Variants in NARS2 observed in about 807,000 individuals in gnomAD.
NARS2 encodes the protein asparaginyl-tRNA synthetase.
A neutral mutation model predicts 62.9 loss-of-function variants in NARS2; 60 were observed. The ratio of observed to expected loss-of-function variants is 0.95; its 90% CI spans 0.77 to 1.18. The LOEUF (loss-of-function observed/expected upper bound fraction) is 1.18, where lower values mean the gene tolerates loss of function less well. Among genes scored for constraint, NARS2 ranks in the 50% most tolerant of loss-of-function variants. The pLI, the probability that NARS2 is intolerant of heterozygous loss-of-function variation, is 0.00. For missense variants in NARS2, 619 were observed against 576.4 expected, an observed-to-expected ratio of 1.07 and a Z score of -0.76; for synonymous variants, 196 against 200.0, an observed-to-expected ratio of 0.98 and a Z score of 0.17.
At chr11:78,502,099 T>C (rs768709201) in intron 6 of NARS2, among the ~76,000 whole-genome samples, 1 of 152,180 alleles carries the variant, frequency 6.6e-6, no homozygotes, top group Non-Finnish European at 1.5e-5. Flanking sequence ...ATTTCCTGTA[T>C]ATGAAATATC....
intron 11 of NARS2, among the ~76,000 whole-genome samples, chr11:78,453,938 T>G (rs4945276): frequency 0.24 from 36,539 of 152,142 alleles, 5,433 homozygotes; most frequent in Non-Finnish European, 0.33. Context: ...GCAAAGATAC[T>G]ACTAATGGCT....
chr11:78,457,396 T>A (rs1438147302), intron 11 of NARS2, among the ~76,000 whole-genome samples: 1 of 152,070 alleles, frequency 6.6e-6, no homozygotes, highest in Non-Finnish European at 1.5e-5. Flanking sequence ...TTACAGCCAG[T>A]TATTACAGCC....
Position 78,521,566 on chromosome 11 carries a change from G to T in NARS2, c.689+7276C>A, listed in dbSNP as rs1447932379. On this transcript the variant is annotated intron_variant, in intron 6 of 13. Transcript: ENST00000281038. ...AGCACTTTGGGAGGCCGAGGCGAGC[G>T]GATCACGAGGTCAGGAGATCGAGAC... is the stretch of plus-strand genomic sequence containing the variant. Among the ~76,000 whole-genome samples the T allele has an allele frequency of 2.0e-5, 3 of 152,094 alleles. No individual in the cohort carries two copies. In the East Asian group the frequency reaches 5.8e-4, roughly 30 times the overall value.
intron 12 of NARS2, among the ~76,000 whole-genome samples, chr11:78,443,225 C>A (rs979670589): frequency 6.6e-6 from 1 of 151,046 alleles, no homozygotes; most frequent in Admixed American, 6.6e-5. Context: ...ACTTGGGAGG[C>A]TGAGGCAGGA....
At chr11:78,574,052 T>A (rs1290251357) in intron 1 of NARS2, among the ~76,000 whole-genome samples, 1 of 152,104 alleles carries the variant, frequency 6.6e-6, no homozygotes. Context: ...GGATATTCAT[T>A]ATAAGGGATA....
chr11:78,533,481 G>A (rs1861554906), intron 5 of NARS2, among the ~76,000 whole-genome samples: 1 of 152,200 alleles, frequency 6.6e-6, no homozygotes, highest in Non-Finnish European at 1.5e-5. Context: ...GGAAGTGAAT[G>A]TCTACAGCTT....
At chr11:78,573,733 A>C (rs1857012388) in intron 1 of NARS2, among the ~76,000 whole-genome samples, 1 of 152,212 alleles carries the variant, frequency 6.6e-6, no homozygotes, top group Non-Finnish European at 1.5e-5. Context: ...AATTTTCAGG[A>C]CTCAGGGACA....
chr11:78,549,477 T>C (rs903761578), intron 5 of NARS2, among the ~76,000 whole-genome samples: 13 of 152,206 alleles, frequency 8.5e-5, no homozygotes, highest in East Asian at 5.8e-4. Context: ...AGAATAGTGG[T>C]GGTTGTGATG....
chr11:78,518,553 T>C (rs1216317208), intron 6 of NARS2, among the ~76,000 whole-genome samples: 2 of 151,978 alleles, frequency 1.3e-5, no homozygotes, highest in African/African-American at 2.4e-5. Flanking sequence ...AGTCTCGCAC[T>C]TTCACCCAGG....
chr11:78,448,161 G>A (rs1016259889), intron 11 of NARS2, among the ~76,000 whole-genome samples: 7 of 151,942 alleles, frequency 4.6e-5, no homozygotes, highest in African/African-American at 1.5e-4. Context: ...ACCCCATAAC[G>A]TTAGAATGTT....
intron 5 of NARS2, among the ~76,000 whole-genome samples, chr11:78,548,382 A>G (rs1855959325): frequency 6.6e-6 from 1 of 152,192 alleles, no homozygotes; most frequent in Non-Finnish European, 1.5e-5. Context: ...AGGTAAGAGT[A>G]ATCAAAAAGT....
Position 78,469,304 on chromosome 11 carries a change from A to G in NARS2, c.969T>C (p.Tyr323=), listed in dbSNP as rs565224393. ...MLKNNFLIIS[Y]TEAVEILKQA... ...GCTTTAAGATCTCCACTGCTTCAGT[A>G]TAAGAAATGCTGGAGGAAAACAGGA... is the stretch of plus-strand genomic sequence containing the variant. The change falls in exon 10 of 14, where the codon TAT becomes TAC. Residue 323 remains tyrosine, a synonymous_variant. Coordinates refer to ENST00000281038, the MANE Select transcript of NARS2 (RefSeq NM_024678.6). The G allele has an allele frequency of 6.8e-6, 11 of 1,613,016 alleles. No individual in the cohort carries two copies. Among genetic ancestry groups the G allele is most frequent in the South Asian group, 2.2e-5 (2 of 91,058 alleles).
intron 11 of NARS2, among the ~76,000 whole-genome samples, chr11:78,449,226 C>T (rs955717277): frequency 6.6e-6 from 1 of 150,450 alleles, no homozygotes; most frequent in Non-Finnish European, 1.5e-5. Context: ...AACTCCACCT[C>T]CCCGGTTCAT....
At chr11:78,564,612 T>A (rs1856678783) in intron 4 of NARS2, among the ~76,000 whole-genome samples, 1 of 152,174 alleles carries the variant, frequency 6.6e-6, no homozygotes, top group Non-Finnish European at 1.5e-5. Context: ...CACCACCTAG[T>A]GGCCAAAAGC....
chr11:78,548,896 C>G (rs1184648575), intron 5 of NARS2, among the ~76,000 whole-genome samples: 1 of 152,180 alleles, frequency 6.6e-6, no homozygotes, highest in Non-Finnish European at 1.5e-5. Context: ...TACTAAAGCT[C>G]GGTGAGGACA....
At chr11:78,461,845 C>T (rs1353966149) in intron 11 of NARS2, among the ~76,000 whole-genome samples, 1 of 150,666 alleles carries the variant, frequency 6.6e-6, no homozygotes, top group African/African-American at 2.4e-5. Context: ...CCCAGCTACT[C>T]GGGAGGCTGA....
intron 11 of NARS2, among the ~76,000 whole-genome samples, chr11:78,457,622 G>A (rs2135183334): frequency 6.6e-6 from 1 of 152,288 alleles, no homozygotes; most frequent in South Asian, 2.1e-4. Flanking sequence ...CTCTAGTACT[G>A]CATAAATTAT....
chr11:78,551,851 C>CA (rs200043365), intron 5 of NARS2, among the ~76,000 whole-genome samples: 1,770 of 146,748 alleles, frequency 0.012, 25 homozygotes, highest in African/African-American at 0.039. Context: ...GACTTTGTCT[C>CA]AAAAAAAAAC....
Position 78,443,533 on chromosome 11 carries a change from G to C in NARS2, c.1262+128C>G, listed in dbSNP as rs1010829538. 1.3e-5 allele frequency: 7 copies of C among 530,748 alleles called. No individual in the cohort carries two copies. In the African/African-American group the frequency reaches 1.3e-4, roughly 10 times the overall value. 32.9% of individuals were successfully genotyped at this position (530,748 alleles called of 1,614,324 possible). A position where few individuals can be genotyped will look rare whatever the true frequency, so the allele number is the denominator to read the frequency against. On this transcript the variant is annotated intron_variant, in intron 12 of 13. Coordinates refer to ENST00000281038, the MANE Select transcript of NARS2 (RefSeq NM_024678.6). ...AACTAACAACTTGCTCAAGGACATA[G>C]AGAATCTGAGATCCAGTTCTGTCAG...
Sources: gnomAD v4.1 joint callset for allele counts (sites outside exome capture counted in the v4.1 genomes callset) on GRCh38, gnomAD v4.1.1 for gene constraint, MANE v1.5 for transcripts, NCBI Gene and HGNC (gene_info 2026-07-23, HGNC 2026-07-21) for gene names.